Variants in SCAPER observed in about 807,000 individuals in gnomAD.
SCAPER encodes S phase cyclin A-associated protein in the endoplasmic reticulum.
In SCAPER, 98 loss-of-function variants were observed where a neutral mutation model predicts 182.2. The ratio of observed to expected loss-of-function variants is 0.54; its 90% CI spans 0.46 to 0.64. The LOEUF (loss-of-function observed/expected upper bound fraction) is 0.64, where lower values mean the gene tolerates loss of function less well. Among genes scored for constraint, SCAPER ranks in the 30% least tolerant of loss-of-function variants. The pLI, the probability that SCAPER is intolerant of heterozygous loss-of-function variation, is 0.00. For synonymous variants in SCAPER, 605 were observed against 564.6 expected (o/e 1.07, Z -1.01); for missense variants, 1,432 against 1,690.0 (o/e 0.85, Z 2.68).
intron 5 of SCAPER, among the ~76,000 whole-genome samples, chr15:76,807,764 G>A (rs943907859): frequency 6.9e-5 from 10 of 144,598 alleles, no homozygotes; most frequent in African/African-American, 2.1e-4. Context: ...GAATTCACTC[G>A]AAAAATCGCT....
chr15:76,353,919 C>A (rs772069031), intron 30 of SCAPER, 30 bp downstream of exon 30: 41 of 1,488,280 alleles, frequency 2.8e-5, no homozygotes, highest in Admixed American at 8.0e-5. Context: ...ACACACAAAG[C>A]TAGACAATTA....
intron 21 of SCAPER, among the ~76,000 whole-genome samples, chr15:76,636,458 T>TA (rs201439664): frequency 0.018 from 2,646 of 143,494 alleles, 122 homozygotes; most frequent in Admixed American, 0.11. Context: ...ACCTTTAAAT[T>TA]AAAAAAAAAA....
In SCAPER at chr15:76,765,429, T is replaced by G. The variant is rs778464764; in HGVS notation, c.1521A>C (p.Thr507=). ...CTTCTTCTACAATGTCCCCCCAGGA[T>G]GTATTTTGGCGCCAAGACTCACGAG... ...YEARESWRQN[T]SWGDIVEEEP... is the part of the protein sequence containing the mutation. Residue 507 remains threonine, a synonymous_variant, in exon 13 of 32, where the codon ACA becomes ACC. Transcript: ENST00000563290. 14 of 1,613,888 alleles carry G rather than the reference T, an allele frequency of 8.7e-6. No individual in the cohort carries two copies. The East Asian group carries it at 2.9e-4, about 33-fold the overall frequency.
At chr15:76,879,868 A>C (rs1265249641) in intron 2 of SCAPER, among the ~76,000 whole-genome samples, 3 of 152,138 alleles carry the variant, frequency 2.0e-5, no homozygotes, top group South Asian at 4.1e-4. Flanking sequence ...TTATATTTTA[A>C]ATCATACACT....
At chr15:76,778,404 T>C (rs556449995) in intron 8 of SCAPER, among the ~76,000 whole-genome samples, 2 of 152,222 alleles carry the variant, frequency 1.3e-5, no homozygotes, top group South Asian at 2.1e-4. Flanking sequence ...AAGGAACCTA[T>C]ACAAATCAAT....
chr15:76,365,519 A>G (rs557370575), intron 29 of SCAPER, among the ~76,000 whole-genome samples: 1 of 152,372 alleles, frequency 6.6e-6, no homozygotes, highest in East Asian at 1.9e-4. Flanking sequence ...TGGGCTCTAC[A>G]GCTAATCAGG....
At chr15:76,558,822 C>T (rs1274771286) in intron 23 of SCAPER, among the ~76,000 whole-genome samples, 1 of 152,208 alleles carries the variant, frequency 6.6e-6, no homozygotes, top group African/African-American at 2.4e-5. Flanking sequence ...TATATACACA[C>T]ATACATACAC....
intron 25 of SCAPER, among the ~76,000 whole-genome samples, chr15:76,446,597 A>G (rs1295082952): frequency 6.6e-6 from 1 of 152,206 alleles, no homozygotes; most frequent in African/African-American, 2.4e-5. Flanking sequence ...GGCAAGCTCA[A>G]TAGAAACTTA....
At chr15:76,689,691 CA>C (rs533206913) in intron 20 of SCAPER, among the ~76,000 whole-genome samples, 51 of 137,058 alleles carry the variant, frequency 3.7e-4, no homozygotes, top group Admixed American at 7.3e-4. Flanking sequence ...TCCTTGAAAA[CA>C]AAAAAAAAAA....
At chr15:76,700,550 C>T (rs780565570) in intron 20 of SCAPER, among the ~76,000 whole-genome samples, 3 of 152,126 alleles carry the variant, frequency 2.0e-5, no homozygotes, top group Non-Finnish European at 4.4e-5. Context: ...TGTGCCTTCC[C>T]TTCCTCTACT....
At chr15:76,434,822 T>C (rs2047090132) in intron 25 of SCAPER, among the ~76,000 whole-genome samples, 2 of 152,186 alleles carry the variant, frequency 1.3e-5, no homozygotes, top group Admixed American at 1.3e-4. Flanking sequence ...CACACTCAGC[T>C]CTCTTTGTGT....
chr15:76,903,425 G>C (rs1003538751), intron 1 of SCAPER, among the ~76,000 whole-genome samples: 1 of 152,144 alleles, frequency 6.6e-6, no homozygotes, highest in Non-Finnish European at 1.5e-5. Flanking sequence ...TCAGGAGGTG[G>C]GGCCTTTGGG....
intron 23 of SCAPER, among the ~76,000 whole-genome samples, chr15:76,525,756 C>T (rs2043151983): frequency 6.6e-6 from 1 of 152,162 alleles, no homozygotes; most frequent in African/African-American, 2.4e-5. Flanking sequence ...ATTCAATCCA[C>T]CATGGATGGG....
chr15:76,799,336 A>G (rs1029075426), intron 7 of SCAPER, among the ~76,000 whole-genome samples: 17 of 145,346 alleles, frequency 1.2e-4, no homozygotes, highest in African/African-American at 4.3e-4. Flanking sequence ...CCCAGGCTGG[A>G]GTACAGTGGC....
At chr15:76,360,843 T>G (rs1405179506) in intron 29 of SCAPER, among the ~76,000 whole-genome samples, 1 of 152,192 alleles carries the variant, frequency 6.6e-6, no homozygotes, top group African/African-American at 2.4e-5. Flanking sequence ...GAGTGAACTG[T>G]TGGAACACAT....
intron 8 of SCAPER, among the ~76,000 whole-genome samples, chr15:76,789,808 A>G (rs2064870865): frequency 6.6e-6 from 1 of 152,248 alleles, no homozygotes; most frequent in Non-Finnish European, 1.5e-5. Context: ...AAATGTCATT[A>G]AGAACGTTGT....
chr15:76,659,094 A>T (rs2055903592), intron 21 of SCAPER, among the ~76,000 whole-genome samples: 1 of 152,212 alleles, frequency 6.6e-6, no homozygotes, highest in African/African-American at 2.4e-5. Flanking sequence ...TAAAATAAAG[A>T]GTTTCCACAC....
chr15:76,820,911 A>C (rs1371171931), intron 5 of SCAPER, among the ~76,000 whole-genome samples: 1 of 152,232 alleles, frequency 6.6e-6, no homozygotes, highest in Non-Finnish European at 1.5e-5. Context: ...AATGCAGATT[A>C]AAGTAACAAT....
intron 27 of SCAPER, among the ~76,000 whole-genome samples, chr15:76,392,513 A>T (rs1398686186): frequency 6.6e-6 from 1 of 152,164 alleles, no homozygotes; most frequent in African/African-American, 2.4e-5. Context: ...ATGCAGGAAG[A>T]TCACTTGAGC....
Sources: allele counts gnomAD v4.1 joint callset (sites outside exome capture counted in the v4.1 genomes callset), GRCh38; gene constraint gnomAD v4.1.1; transcripts MANE v1.5; gene names NCBI Gene and HGNC (gene_info 2026-07-23, HGNC 2026-07-21).